The following F5 variants were observed in gnomAD, a reference collection of about 807,000 sequenced individuals.
The protein encoded by F5 is coagulation factor V.
A neutral mutation model predicts 216.4 loss-of-function variants in F5; 138 were observed. The observed-to-expected ratio is 0.64, with a 90% CI of 0.56 to 0.73. The LOEUF is 0.73. Among genes scored for constraint, F5 ranks in the 30% least tolerant of loss-of-function variants. The pLI, the probability that F5 is intolerant of heterozygous loss-of-function variation, is 0.00. For synonymous variants in F5, 916 were observed against 930.7 expected (o/e 0.98, Z 0.29); for missense variants, 2,403 against 2,674.0 (o/e 0.90, Z 2.24).
chr1:169,544,280 C>A lies in F5; in HGVS notation c.1975+16G>T. 1 of 1,609,576 alleles carries A rather than the reference C, an allele frequency of 6.2e-7. No homozygotes were observed. Among genetic ancestry groups the A allele is most frequent in the Non-Finnish European group, 8.5e-7 (1 of 1,176,232 alleles). ...CAAAGCAAGCTTCCTCTGTGAGTGT[C>A]CAGACTCTTACTCACCAACATTATC... On this transcript the variant is annotated intron_variant, in intron 12 of 24. Coordinates refer to ENST00000367797, the MANE Select transcript of F5 (RefSeq NM_000130.5).
chr1:169,551,779 G>A (rs1165705976), intron 8 of F5, among the ~76,000 whole-genome samples: 1 of 152,156 alleles, frequency 6.6e-6, no homozygotes, highest in Non-Finnish European at 1.5e-5. Flanking sequence ...TTTTGTCAAA[G>A]ATTGCAACCT....
At chr1:169,547,760 A>G (rs967164643) in intron 10 of F5, among the ~76,000 whole-genome samples, 9 of 152,220 alleles carry the variant, frequency 5.9e-5, no homozygotes, top group African/African-American at 1.4e-4. Context: ...AATTAGTTCA[A>G]CCATTGTGGA....
intron 1 of F5, among the ~76,000 whole-genome samples, chr1:169,583,771 A>T (rs1199238392): frequency 6.6e-6 from 1 of 152,236 alleles, no homozygotes; most frequent in Non-Finnish European, 1.5e-5. Context: ...TAATATGTGG[A>T]ATACAGAAAC....
chr1:169,565,498 T>C (rs1160869007), intron 3 of F5, among the ~76,000 whole-genome samples: 2 of 152,130 alleles, frequency 1.3e-5, no homozygotes, highest in Admixed American at 6.6e-5. Flanking sequence ...GGCTACAGCC[T>C]AGGTCAACAA....
At chr1:169,529,497 T>G in intron 16 of F5, 111 bp downstream of exon 16, 1 of 985,240 alleles carries the variant, frequency 1.0e-6, no homozygotes, top group Non-Finnish European at 1.6e-6. Flanking sequence ...GTTGTAGCTC[T>G]GGGTGTCTCA....
At chr1:169,524,756 G>T in intron 19 of F5, 81 bp downstream of exon 19, 4 of 1,144,374 alleles carry the variant, frequency 3.5e-6, no homozygotes, top group Non-Finnish European at 5.3e-6. Flanking sequence ...TCATAGATAG[G>T]ATTGTCATGT....
chr1:169,550,006 T>C lies in F5; in HGVS notation c.1406A>G (p.Asn469Ser). ...TGGTTGAACTGCTCTGATCATGGTG[T>C]TGTTCCTGCCTGAAAGAAAATATAT... is the stretch of plus-strand genomic sequence containing the variant. ...VNSSFTSGRN[N>S]TMIRAVQPGE... The change falls in exon 10 of 25, where the codon AAC becomes AGC. Residue 469 changes from asparagine (N) to serine (S), a missense_variant. Physicochemically the swap from Asn to Ser is conservative, Grantham distance 46 (BLOSUM62 1). This residue lies in a region of F5 where 1,425 missense variants were observed against 1,554.8 expected (regional missense o/e 0.92). Transcript: ENST00000367797. The C allele has an allele frequency of 2.5e-6, 4 of 1,613,798 alleles. No homozygotes were observed. The highest frequency in any genetic ancestry group is 3.4e-6 in the Non-Finnish European group (4 of 1,179,784).
chr1:169,519,208 G>A (rs969358501), intron 22 of F5, among the ~76,000 whole-genome samples: 2 of 152,030 alleles, frequency 1.3e-5, no homozygotes, highest in Non-Finnish European at 2.9e-5. Context: ...AAATCATGCA[G>A]AAATTTTCTT....
rs1659308792 is a variant in F5 at position 169,521,614 on chromosome 1, GA to G, written c.6049-951del. The stretch of plus-strand genomic sequence containing the variant: ...TAAAACAAGGCTGGTTCTGTGAAAA[GA>G]TTTTTTTTTTTTTTTTTTTTTTTTG... On this transcript the variant is annotated intron_variant, in intron 21 of 24. Transcript: ENST00000367797. Among the ~76,000 whole-genome samples, 9 of 95,400 alleles carry G rather than the reference GA, an allele frequency of 9.4e-5. No individual in the cohort carries two copies. In the East Asian group the frequency reaches 1.3e-3, roughly 14 times the overall value. 62.6% of individuals were successfully genotyped at this position (95,400 alleles called of 152,430 possible).
chr1:169,536,931 T>C (rs575947131), intron 13 of F5, among the ~76,000 whole-genome samples: 1 of 152,136 alleles, frequency 6.6e-6, no homozygotes, highest in South Asian at 2.1e-4. Context: ...TCTATATCAA[T>C]TTCTCATATT....
At position 169,549,867 on chromosome 1, in the gene F5, G is replaced by A. The variant is rs886045551; in HGVS notation, c.1545C>T (p.Ile515=). 24 of 1,613,956 alleles carry A rather than the reference G, an allele frequency of 1.5e-5. No individual in the cohort carries two copies. Among genetic ancestry groups the A allele is most frequent in the Admixed American group, 3.3e-5 (2 of 60,002 alleles). The change falls in exon 10 of 25, where the codon ATC becomes ATT. Residue 515 remains isoleucine (I), a synonymous_variant. Transcript: ENST00000367797. ...YYSDVDIMRD[I]ASGLIGLLLI... Reference sequence around the variant, plus strand: ...GAAGTAGTCCTATTAGCCCAGAGGCGATGTCTCTCATGATGTCCACGTCAC... The same window carrying A: ...GAAGTAGTCCTATTAGCCCAGAGGCAATGTCTCTCATGATGTCCACGTCAC...
In F5 at chr1:169,586,412, G is replaced by A. The variant is rs1231367464; in HGVS notation, c.-26C>T. 6.2e-7 allele frequency: 1 copy of A among 1,606,622 alleles called. No individual in the cohort carries two copies. On this transcript the variant is annotated 5_prime_UTR_variant, in exon 1 of 25. Coordinates refer to ENST00000367797, the MANE Select transcript of F5 (RefSeq NM_000130.5). ...GCTTCCTTTCCTGCTCCCGCTGGCT[G>A]CCACCACCCCAGGACCTGGGCAGCG...
At chr1:169,576,147 G>T (rs1028712777) in intron 2 of F5, among the ~76,000 whole-genome samples, 2 of 152,142 alleles carry the variant, frequency 1.3e-5, no homozygotes, top group Non-Finnish European at 2.9e-5. Flanking sequence ...CTTGATTTTA[G>T]CCCAATAAAA....
At position 169,550,637 on chromosome 1, in the gene F5, A is replaced by G; in HGVS notation, c.1396+3T>C. ...GGATTCAGTAGAAGTGAAAGATTCA[A>G]ACCTGAGGTGAAAGAAGAGTTGACT... On this transcript the variant is annotated splice_donor_region_variant and intron_variant, in intron 9 of 24. Coordinates refer to ENST00000367797, the MANE Select transcript of F5 (RefSeq NM_000130.5). The G allele has an allele frequency of 6.2e-7, 1 of 1,611,086 alleles. No homozygotes were observed. The highest frequency in any genetic ancestry group is 8.5e-7 in the Non-Finnish European group (1 of 1,177,280).
In F5 at chr1:169,530,850, C is replaced by T. The variant is rs1194089741; in HGVS notation, c.5144G>A (p.Arg1715Gln). The T allele has an allele frequency of 1.1e-5, 18 of 1,613,938 alleles. No homozygotes were observed. Among genetic ancestry groups the T allele is most frequent in the South Asian group, 2.2e-5 (2 of 91,070 alleles). The change falls in exon 15 of 25, where the codon CGA (arginine) becomes CAA (glutamine). Residue 1715 changes from arginine to glutamine, a missense_variant. Transcript: ENST00000367797. ...AGAGCCAGGACTTTCTGGCCCTGAT[C>T]GCTCAGTGGCATGCCATACGTAGGT... Reference protein sequence around the residue: ...SYTYVWHATERSGPESPGSAC... With the variant: ...SYTYVWHATEQSGPESPGSAC...
At chr1:169,518,062 A>G (rs947109771) in intron 23 of F5, among the ~76,000 whole-genome samples, 4 of 152,194 alleles carry the variant, frequency 2.6e-5, no homozygotes, top group African/African-American at 9.7e-5. Flanking sequence ...GTTTATGGCT[A>G]CTTTACTGCT....
At chr1:169,524,973 C>A (rs991771521) in intron 18 of F5, 65 bp from the exon 19 acceptor site, 18 of 1,252,452 alleles carry the variant, frequency 1.4e-5, no homozygotes, top group Non-Finnish European at 2.0e-5. Context: ...AAGTAAAACT[C>A]CATGGTTAGG....
chr1:169,519,704 G>A (rs1659247318), intron 22 of F5, among the ~76,000 whole-genome samples: 1 of 152,202 alleles, frequency 6.6e-6, no homozygotes, highest in South Asian at 2.1e-4. Context: ...GGTTTCTAGT[G>A]CACCTATTTA....
chr1:169,542,270 A>G lies in F5; in HGVS notation c.2820T>C (p.Ser940=), dbSNP rs1338683850. ...AATGCCATCTCCCAACCAAAATCTTAGATGAGTTACTTTGTTTTAAGAGTA... is the reference window on the plus strand; with the variant it reads ...AATGCCATCTCCCAACCAAAATCTTGGATGAGTTACTTTGTTTTAAGAGTA... ...DLLLLKQSNS[S]KILVGRWHLA... Residue 940 remains serine (S), a synonymous_variant, in exon 13 of 25, where the codon TCT becomes TCC. Coordinates refer to ENST00000367797, the MANE Select transcript of F5 (RefSeq NM_000130.5). 6.2e-7 allele frequency: 1 copy of G among 1,614,090 alleles called. No homozygotes were observed. The highest frequency in any genetic ancestry group is 8.5e-7 in the Non-Finnish European group (1 of 1,179,990).
Sources: gnomAD v4.1 joint callset for allele counts (sites outside exome capture counted in the v4.1 genomes callset) on GRCh38, gnomAD v4.1.1 for gene constraint, gnomAD v4.1.1 regional missense constraint, MANE v1.5 for transcripts, NCBI Gene and HGNC (gene_info 2026-07-23, HGNC 2026-07-21) for gene names.